The following SORCS1 variants were observed in gnomAD, a reference collection of about 807,000 sequenced individuals.
SORCS1 encodes the protein VPS10 domain-containing receptor SorCS1.
Under a neutral mutation model 146.1 loss-of-function variants are expected in SORCS1, and 60 were observed. The observed-to-expected ratio is 0.41, with a 90% confidence interval of 0.33 to 0.51. SORCS1 has a LOEUF of 0.51. SORCS1 is among the 20% of genes least tolerant of loss of function. The probability of loss-of-function intolerance (pLI) is 0.21; values close to 1 mark genes in which losing one functional copy is unlikely to be tolerated. For missense variants in SORCS1, 1,352 were observed against 1,487.6 expected (o/e 0.91, Z 1.50); for synonymous variants, 637 against 584.0 (o/e 1.09, Z -1.31).
At chr10:107,143,716 G>A (rs1024460213) in intron 1 of SORCS1, among the ~76,000 whole-genome samples, 2 of 152,084 alleles carry the variant, frequency 1.3e-5, no homozygotes, top group African/African-American at 4.8e-5. Context: ...ATGTTGATCA[G>A]GCTAGTCTTG....
intron 24 of SORCS1, among the ~76,000 whole-genome samples, chr10:106,586,754 G>A (rs1256031371): frequency 6.6e-6 from 1 of 152,186 alleles, no homozygotes; most frequent in Non-Finnish European, 1.5e-5. Flanking sequence ...CCAAGAGTTT[G>A]AGATCAGCCT....
chr10:107,059,228 TCAC>T (rs1960935636), intron 1 of SORCS1, among the ~76,000 whole-genome samples: 1 of 152,140 alleles, frequency 6.6e-6, no homozygotes, highest in South Asian at 2.1e-4. Context: ...ACAAGGGACT[TCAC>T]TCCACAGAAC....
upstream of SORCS1, among the ~76,000 whole-genome samples, chr10:107,169,570 C>G (rs924549803): frequency 6.6e-6 from 1 of 152,136 alleles, no homozygotes; most frequent in Non-Finnish European, 1.5e-5. Flanking sequence ...CTTGGACACC[C>G]GTTGGAGATA....
chr10:107,012,988 T>A lies in SORCS1; in HGVS notation c.559-56408A>T, dbSNP rs74154823. 5.0e-3 allele frequency among the ~76,000 whole-genome samples: 754 copies of A among 152,318 alleles called. 10 individuals carry two copies. The highest frequency in any genetic ancestry group is 0.017 in the African/African-American group (716 of 41,566). Reference sequence around the variant, plus strand: ...TACACCTCCTTAATGCCACTTCATGTCTTGGCCTCCTATTATCTGTCAATG... The same window carrying A: ...TACACCTCCTTAATGCCACTTCATGACTTGGCCTCCTATTATCTGTCAATG... On this transcript the variant is annotated intron_variant, in intron 1 of 25. Coordinates refer to ENST00000263054, the MANE Select transcript of SORCS1 (RefSeq NM_052918.5).
At chr10:107,097,351 C>T (rs1964610272) in intron 1 of SORCS1, among the ~76,000 whole-genome samples, 1 of 152,192 alleles carries the variant, frequency 6.6e-6, no homozygotes, top group South Asian at 2.1e-4. Context: ...CTCAATTTCC[C>T]TACTTGTAAA....
intron 17 of SORCS1, among the ~76,000 whole-genome samples, chr10:106,662,701 C>A (rs1366634924): frequency 6.6e-6 from 1 of 152,184 alleles, no homozygotes; most frequent in Non-Finnish European, 1.5e-5. Context: ...CTTGAGAAAA[C>A]TACTATTGTG....
intron 2 of SORCS1, among the ~76,000 whole-genome samples, chr10:106,892,830 A>AT (rs1318713119): frequency 6.6e-6 from 1 of 151,258 alleles, no homozygotes; most frequent in African/African-American, 2.4e-5. Context: ...TTTTAACTGT[A>AT]TTTTTTATAG....
At position 106,647,329 on chromosome 10, in the gene SORCS1, A is replaced by T. The variant is rs1849523522; in HGVS notation, c.2475+5053T>A. Among the ~76,000 whole-genome samples the T allele has an allele frequency of 2.0e-5, 3 of 151,298 alleles. No homozygotes were observed. The South Asian group carries it at 6.3e-4, about 32-fold the overall frequency. On this transcript the variant is annotated intron_variant, in intron 18 of 25. Transcript: ENST00000263054. ...TGTTGTTTTCTGGGTAGTGCTATTG[A>T]AAATAAGTTTTTAGATTTGAGTATA...
rs143833709 is a variant in SORCS1, at chr10:106,985,337, G to C, written c.559-28757C>G. ...TTATAAACCAAGTTGAAGTTGATTT[G>C]AAATTACGAAGTGTATTTTTTCTCT... On this transcript the variant is annotated intron_variant, in intron 1 of 25. Coordinates refer to ENST00000263054, the MANE Select transcript of SORCS1 (RefSeq NM_052918.5). 1.1e-3 allele frequency among the ~76,000 whole-genome samples: 169 copies of C among 152,104 alleles called. 1 individual carries two copies. The highest frequency in any genetic ancestry group is 3.0e-3 in the African/African-American group (125 of 41,454).
intron 14 of SORCS1, 89 bp from the exon 15 acceptor site, chr10:106,673,074 G>T: frequency 2.2e-6 from 2 of 929,550 alleles, no homozygotes; most frequent in Non-Finnish European, 3.4e-6. Flanking sequence ...CGTTCACCCT[G>T]AGCTAAGCAC....
chr10:107,068,676 C>T (rs2134165927), intron 1 of SORCS1, among the ~76,000 whole-genome samples: 1 of 152,230 alleles, frequency 6.6e-6, no homozygotes, highest in African/African-American at 2.4e-5. Flanking sequence ...ACCATCCTGG[C>T]TAACACGGTG....
chr10:106,697,641 T>C (rs1302379936), intron 9 of SORCS1, among the ~76,000 whole-genome samples: 3 of 151,980 alleles, frequency 2.0e-5, no homozygotes. Flanking sequence ...TTGAACACAT[T>C]GGAAAATAAT....
At chr10:106,970,533 G>T (rs1589820334) in intron 1 of SORCS1, among the ~76,000 whole-genome samples, 1 of 151,866 alleles carries the variant, frequency 6.6e-6, no homozygotes, top group East Asian at 1.9e-4. Flanking sequence ...GAGATGACAG[G>T]GTTTCGCCAT....
chr10:106,648,303 C>T (rs751005195), intron 18 of SORCS1, among the ~76,000 whole-genome samples: 4 of 152,134 alleles, frequency 2.6e-5, no homozygotes, highest in Non-Finnish European at 4.4e-5. Context: ...TCTCTTACTA[C>T]TTCTTCAGTT....
At position 106,926,402 on chromosome 10, in the gene SORCS1, T is replaced by G. The variant is rs1232228152; in HGVS notation, c.626+30111A>C. Among the ~76,000 whole-genome samples the G allele has an allele frequency of 2.0e-5, 3 of 152,166 alleles. 1 individual carries two copies. The highest frequency in any genetic ancestry group is 2.0e-4 in the Admixed American group (3 of 15,282). On this transcript the variant is annotated intron_variant, in intron 2 of 25. Coordinates refer to ENST00000263054, the MANE Select transcript of SORCS1 (RefSeq NM_052918.5). Reference sequence around the variant, plus strand: ...CTATTTAATACTGAACTCATCTCCTTATCTTCCTGAGCCTCAACTGTCTCA... The same window carrying G: ...CTATTTAATACTGAACTCATCTCCTGATCTTCCTGAGCCTCAACTGTCTCA...
At chr10:107,001,106 G>T (rs1589894472) in intron 1 of SORCS1, among the ~76,000 whole-genome samples, 1 of 152,228 alleles carries the variant, frequency 6.6e-6, no homozygotes, top group South Asian at 2.1e-4. Context: ...ATGTTAAATT[G>T]AATCCCAAAA....
At chr10:107,069,095 A>AT (rs1413911916) in intron 1 of SORCS1, among the ~76,000 whole-genome samples, 1 of 152,004 alleles carries the variant, frequency 6.6e-6, no homozygotes, top group Non-Finnish European at 1.5e-5. Flanking sequence ...TCAATCCAAA[A>AT]TGTGTGTTGA....
chr10:106,730,735 T>G (rs1856535885), intron 5 of SORCS1, among the ~76,000 whole-genome samples: 1 of 152,202 alleles, frequency 6.6e-6, no homozygotes. Context: ...ACATATTATT[T>G]TGTGTAATCC....
At position 107,164,428 on chromosome 10, in the gene SORCS1, G is replaced by T. The variant is rs1969955902; in HGVS notation, c.99C>A (p.Gly33=). ...LLILCAPGVC[G]GGSCCPSPHP... ...GCGGCGAGGGGCAGCAGGAGCCGCC[G>T]CCGCAGACGCCCGGGGCGCAGAGGA... The change falls in exon 1 of 26, where the codon GGC becomes GGA. Residue 33 remains glycine (G), a synonymous_variant. Coordinates refer to ENST00000263054, the MANE Select transcript of SORCS1 (RefSeq NM_052918.5). The surrounding 1 kb of genome is among the most constrained non-coding windows in gnomAD (Gnocchi z 6.8). 1 of 1,409,570 alleles carries T rather than the reference G, an allele frequency of 7.1e-7. No homozygotes were observed. The highest frequency in any genetic ancestry group is 1.6e-5 in the South Asian group (1 of 63,230). The allele number at this position is 1,409,570 out of a possible 1,614,324, so 87.3% of individuals were successfully genotyped here.
Sources: gnomAD v4.1 joint callset for allele counts (sites outside exome capture counted in the v4.1 genomes callset) on GRCh38, gnomAD v4.1.1 for gene constraint, Gnocchi (gnomAD v3.1) non-coding constraint, MANE v1.5 for transcripts, NCBI Gene and HGNC (gene_info 2026-07-23, HGNC 2026-07-21) for gene names.